ARHGAP18: variants seen among roughly 807,000 people sequenced by gnomAD.
ARHGAP18 encodes Rho GTPase activating protein 18, also known as rho GTPase-activating protein 18.
A neutral mutation model predicts 86.2 loss-of-function variants in ARHGAP18; 67 were observed. The observed-to-expected ratio is 0.78, with a 90% CI of 0.64 to 0.95. The LOEUF (loss-of-function observed/expected upper bound fraction) is 0.95. ARHGAP18 is among the 40% of genes least tolerant of loss of function. The pLI, the probability that ARHGAP18 is intolerant of heterozygous loss-of-function variation, is 0.00. For synonymous variants in ARHGAP18, 283 were observed against 280.4 expected (o/e 1.01, Z -0.09); for missense variants, 691 against 780.4 (o/e 0.89, Z 1.37).
chr6:129,625,750 T>TTATATATTTATATATTA (rs1562698206), intron 5 of ARHGAP18, among the ~76,000 whole-genome samples: 1 of 58,576 alleles, frequency 1.7e-5, no homozygotes, highest in African/African-American at 6.3e-5. Context: ...TATTTATATA[T>TTATATATTTATATATTA]TATATATTTA....
intron 1 of ARHGAP18, among the ~76,000 whole-genome samples, chr6:129,690,029 T>C (rs1774497650): frequency 6.6e-6 from 1 of 152,216 alleles, no homozygotes; most frequent in Admixed American, 6.5e-5. Context: ...GTTAATCTTA[T>C]GTTAATAAGC....
chr6:129,587,306 T>C (rs542967873), intron 12 of ARHGAP18, among the ~76,000 whole-genome samples: 1 of 152,132 alleles, frequency 6.6e-6, no homozygotes, highest in South Asian at 2.1e-4. Context: ...AGAAAAGGAA[T>C]TAAGTGTGTT....
In ARHGAP18 at chr6:129,583,491, C is replaced by A. The variant is rs916197885; in HGVS notation, c.1838+497G>T. On this transcript the variant is annotated intron_variant, in intron 13 of 14. Transcript: ENST00000368149. ...AGGATGGTATGTTCTCCCCTTGAGACTTCAGCGCTCAAAGGCCTGGTTTTC... is the reference window on the plus strand; with the variant it reads ...AGGATGGTATGTTCTCCCCTTGAGAATTCAGCGCTCAAAGGCCTGGTTTTC... Among the ~76,000 whole-genome samples the A allele has an allele frequency of 5.9e-5, 9 of 152,176 alleles. No individual in the cohort carries two copies. The South Asian group carries it at 1.9e-3, about 31-fold the overall frequency.
At chr6:129,677,438 A>C (rs1048593678) in intron 1 of ARHGAP18, among the ~76,000 whole-genome samples, 7 of 151,800 alleles carry the variant, frequency 4.6e-5, no homozygotes, top group Admixed American at 2.0e-4. Context: ...ACCTCCATCT[A>C]CCCTTCTTTC....
rs576788901 is a variant in ARHGAP18, at chr6:129,708,805, C to T, written c.113+1219G>A. The stretch of plus-strand genomic sequence containing the variant: ...TACATTACAGAAAAATGGATGAAAA[C>T]ACTTCAAGATCTCTTGATTTAATGA... On this transcript the variant is annotated intron_variant, in intron 1 of 14. Transcript: ENST00000368149. 8.5e-4 allele frequency among the ~76,000 whole-genome samples: 130 copies of T among 152,286 alleles called. 1 individual carries two copies. The highest frequency in any genetic ancestry group is 3.0e-3 in the African/African-American group (123 of 41,556).
intron 1 of ARHGAP18, among the ~76,000 whole-genome samples, chr6:129,653,920 GT>G (rs1341328519): frequency 1.3e-5 from 2 of 152,142 alleles, no homozygotes; most frequent in Non-Finnish European, 2.9e-5. Context: ...GCATGTGACT[GT>G]AGTCCCAGCT....
At chr6:129,696,299 C>T (rs1018524681) in intron 1 of ARHGAP18, among the ~76,000 whole-genome samples, 1 of 152,192 alleles carries the variant, frequency 6.6e-6, no homozygotes, top group African/African-American at 2.4e-5. Context: ...TAATTTATTA[C>T]ACTACACAGA....
chr6:129,664,078 A>G (rs539567135), intron 1 of ARHGAP18, among the ~76,000 whole-genome samples: 4 of 152,340 alleles, frequency 2.6e-5, no homozygotes, highest in African/African-American at 9.6e-5. Flanking sequence ...TCTGAAAGCT[A>G]TGCTATCTAT....
chr6:129,649,553 CAAAA>C (rs35700328), intron 1 of ARHGAP18, among the ~76,000 whole-genome samples: 31 of 49,994 alleles, frequency 6.2e-4, no homozygotes, highest in Non-Finnish European at 7.3e-4. Flanking sequence ...TCTCTGTCTC[CAAAA>C]AAAAAAAAAA....
At chr6:129,645,657 G>A (rs1363172390) in intron 1 of ARHGAP18, among the ~76,000 whole-genome samples, 1 of 152,124 alleles carries the variant, frequency 6.6e-6, no homozygotes, top group Non-Finnish European at 1.5e-5. Flanking sequence ...AGAACTAGAC[G>A]CTGTCCTCTA....
chr6:129,680,962 C>G (rs1029878838), intron 1 of ARHGAP18, among the ~76,000 whole-genome samples: 3 of 152,206 alleles, frequency 2.0e-5, no homozygotes, highest in Admixed American at 6.5e-5. Context: ...TTGAGTAGAA[C>G]TGTAACACAG....
intron 1 of ARHGAP18, among the ~76,000 whole-genome samples, chr6:129,678,003 CTA>C (rs1774265218): frequency 6.6e-6 from 1 of 152,202 alleles, no homozygotes; most frequent in African/African-American, 2.4e-5. Context: ...CAAAACTTGC[CTA>C]TGAGTATCAT....
intron 10 of ARHGAP18, among the ~76,000 whole-genome samples, chr6:129,602,333 A>G (rs1286137007): frequency 6.6e-6 from 1 of 152,196 alleles, no homozygotes; most frequent in African/African-American, 2.4e-5. Context: ...ATCCTGAGAA[A>G]GAATTTAATT....
chr6:129,599,800 C>T (rs1788700482), intron 11 of ARHGAP18, among the ~76,000 whole-genome samples: 1 of 152,118 alleles, frequency 6.6e-6, no homozygotes, highest in East Asian at 1.9e-4. Context: ...CCCCAAGAAA[C>T]AAGAGCTGAT....
chr6:129,631,642 G>A (rs938789760), intron 4 of ARHGAP18, among the ~76,000 whole-genome samples: 1 of 151,756 alleles, frequency 6.6e-6, no homozygotes, highest in East Asian at 1.9e-4. Flanking sequence ...GTGCACAATA[G>A]CACTGGGTTA....
intron 1 of ARHGAP18, among the ~76,000 whole-genome samples, chr6:129,658,491 G>T (rs1208567820): frequency 6.6e-6 from 1 of 151,794 alleles, no homozygotes; most frequent in Non-Finnish European, 1.5e-5. Flanking sequence ...TAAGCAGAAG[G>T]TATCAATGAT....
chr6:129,647,757 G>A (rs186530009), intron 1 of ARHGAP18, among the ~76,000 whole-genome samples: 2 of 151,928 alleles, frequency 1.3e-5, no homozygotes, highest in Admixed American at 1.3e-4. Context: ...TTTAGAAGAA[G>A]CCATATGTAT....
intron 1 of ARHGAP18, among the ~76,000 whole-genome samples, chr6:129,670,053 T>C (rs1260885111): frequency 6.6e-6 from 1 of 152,224 alleles, no homozygotes; most frequent in Non-Finnish European, 1.5e-5. Flanking sequence ...TCTTATACTT[T>C]GTATAATTTT....
At chr6:129,648,574 C>G (rs747723611) in intron 1 of ARHGAP18, among the ~76,000 whole-genome samples, 1 of 151,606 alleles carries the variant, frequency 6.6e-6, no homozygotes, top group Non-Finnish European at 1.5e-5. Flanking sequence ...AAGTTCAAGA[C>G]CAGCCTGGGC....
Sources: allele counts gnomAD v4.1 joint callset (sites outside exome capture counted in the v4.1 genomes callset), GRCh38; gene constraint gnomAD v4.1.1; transcripts MANE v1.5; gene names NCBI Gene and HGNC (gene_info 2026-07-23, HGNC 2026-07-21).